The following HDDC2 variants were observed in gnomAD, a reference collection of about 807,000 sequenced individuals.
The protein encoded by HDDC2 is HD domain containing 2.
HDDC2 carries 25 observed loss-of-function variants against 25.5 expected under a neutral mutation model. The observed-to-expected ratio is 0.98, with a 90% CI of 0.72 to 1.37. HDDC2 has a LOEUF of 1.37. HDDC2 is among the 40% of genes most tolerant of loss of function. HDDC2 has a pLI of 0.00. For missense variants in HDDC2, 264 were observed against 253.1 expected (o/e 1.04, Z -0.29); for synonymous variants, 106 against 89.7 (o/e 1.18, Z -1.03).
chr6:125,284,977 T>A (rs1039490585), intron 4 of HDDC2, among the ~76,000 whole-genome samples: 1 of 152,162 alleles, frequency 6.6e-6, no homozygotes, highest in Non-Finnish European at 1.5e-5. Flanking sequence ...TGGAATACTA[T>A]GAACGCATAA....
In HDDC2 at chr6:125,276,178, T is replaced by C; in HGVS notation, c.583A>G (p.Ile195Val). The C allele has an allele frequency of 6.2e-7, 1 of 1,614,052 alleles. No homozygotes were observed. Among genetic ancestry groups the C allele is most frequent in the Non-Finnish European group, 8.5e-7 (1 of 1,179,904 alleles). The change falls in exon 6 of 6, where the codon ATA becomes GTA. Residue 195 changes from isoleucine to valine, a missense_variant. Ile to Val is a conservative substitution (Grantham distance 29). Coordinates refer to ENST00000398153, the MANE Select transcript of HDDC2 (RefSeq NM_016063.3). ...TGTGGCTCACTGGCAGCTGCAGCTA[T>C]GTTAGTGCTTCTTTCTGCCTCAAGT... Reference protein sequence around the residue: ...SELEAERSTNIAAAASEPHS With the variant: ...SELEAERSTNVAAAASEPHS
intron 1 of HDDC2, 64 bp from the exon 2 acceptor site, chr6:125,300,723 T>C: frequency 1.3e-6 from 2 of 1,499,170 alleles, no homozygotes; most frequent in Non-Finnish European, 1.8e-6. Flanking sequence ...GCTATGCTCT[T>C]CAAGAGATGT....
Position 125,301,948 on chromosome 6 carries a change from G to A in HDDC2, c.-16C>T. The A allele has an allele frequency of 6.5e-7, 1 of 1,543,208 alleles. No homozygotes were observed. The highest frequency in any genetic ancestry group is 8.7e-7 in the Non-Finnish European group (1 of 1,146,002). On this transcript the variant is annotated 5_prime_UTR_variant, in exon 1 of 6. Coordinates refer to ENST00000398153, the MANE Select transcript of HDDC2 (RefSeq NM_016063.3). ...CCGAAGCCATGCGGCCACCGACCCC[G>A]GCTGGGCGGAGCAGGCCGCGGCGAA... is the stretch of plus-strand genomic sequence containing the variant.
chr6:125,284,229 A>G (rs9491365), intron 4 of HDDC2, among the ~76,000 whole-genome samples: 3,570 of 152,314 alleles, frequency 0.023, 124 homozygotes, highest in African/African-American at 0.081. Context: ...AACCTAGGCA[A>G]TACCATTCAG....
intron 4 of HDDC2, among the ~76,000 whole-genome samples, chr6:125,287,646 T>C (rs910669231): frequency 2.6e-5 from 4 of 152,178 alleles, no homozygotes; most frequent in Non-Finnish European, 5.9e-5. Flanking sequence ...GGAGAATGTA[T>C]GGAGCAATCA....
chr6:125,300,330 T>C (rs1200976671), intron 2 of HDDC2: 5 of 561,690 alleles, frequency 8.9e-6, no homozygotes, highest in Non-Finnish European at 3.1e-6. Context: ...AGGCAGGCTC[T>C]ATCACTTGCC....
At chr6:125,283,920 A>G (rs550082406) in intron 4 of HDDC2, among the ~76,000 whole-genome samples, 27 of 152,336 alleles carry the variant, frequency 1.8e-4, no homozygotes, top group Admixed American at 1.7e-3. Flanking sequence ...AAACTATACT[A>G]CAATTCTATA....
chr6:125,282,523 T>C (rs976852546), intron 4 of HDDC2, among the ~76,000 whole-genome samples: 1 of 152,056 alleles, frequency 6.6e-6, no homozygotes, highest in Non-Finnish European at 1.5e-5. Context: ...AAGCACTAAA[T>C]ATGGAAAGGA....
At chr6:125,300,935 T>C (rs1247083450) in intron 1 of HDDC2, among the ~76,000 whole-genome samples, 3 of 152,188 alleles carry the variant, frequency 2.0e-5, no homozygotes, top group African/African-American at 4.8e-5. Context: ...ATGGAACATA[T>C]GCAAGTCCTT....
chr6:125,281,300 C>T (rs559177323), intron 4 of HDDC2, among the ~76,000 whole-genome samples: 1 of 152,256 alleles, frequency 6.6e-6, no homozygotes, highest in Admixed American at 6.5e-5. Context: ...TGCCCCTTCT[C>T]CTACAAAGAA....
chr6:125,278,920 G>T (rs1015873761), intron 4 of HDDC2: 1 of 152,170 alleles, frequency 6.6e-6, no homozygotes. Context: ...GAGTAACTAG[G>T]TTCATGATAA....
chr6:125,282,347 C>CA (rs372177911), intron 4 of HDDC2, among the ~76,000 whole-genome samples: 3,642 of 112,414 alleles, frequency 0.032, 148 homozygotes, highest in African/African-American at 0.11. Flanking sequence ...GACTCCATCT[C>CA]AAAAAAAAAA....
In HDDC2 at chr6:125,277,188, T is replaced by C. The variant is rs1798382664; in HGVS notation, c.431A>G (p.Gln144Arg). 6.2e-7 allele frequency: 1 copy of C among 1,614,102 alleles called. No individual in the cohort carries two copies. The change falls in exon 5 of 6, where the codon CAA (glutamine) becomes CGA (arginine). Residue 144 changes from glutamine (Q) to arginine (R), a missense_variant. Transcript: ENST00000398153. ...AEAKFVKQLD[Q>R]CEMILQASEY... ...AGATGCTTGAAGAATCATTTCACAT[T>C]GGTCTAGCTGCTTCACAAATTTGGC...
Position 125,277,221 on chromosome 6 carries a change from C to T in HDDC2, c.398G>A (p.Ser133Asn). ...ELWEEYETQS[S>N]AEAKFVKQLD... ...CTGCTTCACAAATTTGGCTTCTGCA[C>T]TAGATTGGGTCTCGTACTCCTAAGT... The change falls in exon 5 of 6, where the codon AGT becomes AAT. Residue 133 changes from serine to asparagine, a missense_variant. By Grantham distance (46) the Ser-to-Asn change is conservative (BLOSUM62 1). Transcript: ENST00000398153. 1 of 1,614,078 alleles carries T rather than the reference C, an allele frequency of 6.2e-7. No homozygotes were observed. The highest frequency in any genetic ancestry group is 1.6e-4 in the Middle Eastern group (1 of 6,062).
At position 125,275,362 on chromosome 6, in the gene HDDC2, C is replaced by T. The variant is rs1798352430; in HGVS notation, c.*784G>A. 6.6e-6 allele frequency: 1 copy of T among 152,110 alleles called. No individual in the cohort carries two copies. The highest frequency in any genetic ancestry group is 2.4e-5 in the African/African-American group (1 of 41,436). The allele number at this position is 152,110 out of a possible 1,614,324, so 9.4% of individuals were successfully genotyped here. On this transcript the variant is annotated 3_prime_UTR_variant, in exon 6 of 6. Coordinates refer to ENST00000398153, the MANE Select transcript of HDDC2 (RefSeq NM_016063.3). ...AGGCAGACAGGGTGGATTATTTATCCTATAAAAGGGAAAAGAGAGGAAGAA... is the reference window on the plus strand; with the variant it reads ...AGGCAGACAGGGTGGATTATTTATCTTATAAAAGGGAAAAGAGAGGAAGAA...
At chr6:125,287,592 G>A (rs1379679143) in intron 4 of HDDC2, among the ~76,000 whole-genome samples, 1 of 152,164 alleles carries the variant, frequency 6.6e-6, no homozygotes, top group Admixed American at 6.5e-5. Context: ...TGTTCAGGAG[G>A]CTGCTGGATT....
At chr6:125,293,242 A>C in intron 3 of HDDC2, 1 of 392,334 alleles carries the variant, frequency 2.5e-6, no homozygotes, top group Non-Finnish European at 4.8e-6. Context: ...GATAAATCAC[A>C]ACATACCCAC....
At chr6:125,295,672 A>G (rs1205240125) in intron 3 of HDDC2, among the ~76,000 whole-genome samples, 1 of 152,144 alleles carries the variant, frequency 6.6e-6, no homozygotes. Context: ...TTCTTGTCAT[A>G]CTTACTCTAT....
At chr6:125,281,041 T>C (rs1263308882) in intron 4 of HDDC2, among the ~76,000 whole-genome samples, 1 of 152,234 alleles carries the variant, frequency 6.6e-6, no homozygotes, top group Non-Finnish European at 1.5e-5. Flanking sequence ...CTGCAGCCTC[T>C]GCTGGTGATA....
Sources: gnomAD v4.1 joint callset for allele counts (sites outside exome capture counted in the v4.1 genomes callset) on GRCh38, gnomAD v4.1.1 for gene constraint, MANE v1.5 for transcripts, NCBI Gene and HGNC (gene_info 2026-07-23, HGNC 2026-07-21) for gene names.